SRL: variants seen among roughly 807,000 people sequenced by gnomAD.
SRL encodes sarcalumenin.
SRL carries 23 observed loss-of-function variants against 39.5 expected under a neutral mutation model. The observed-to-expected ratio is 0.58, with a 90% confidence interval of 0.42 to 0.82. The LOEUF is 0.82. SRL is among the 40% of genes least tolerant of loss of function. The pLI, the probability that SRL is intolerant of heterozygous loss-of-function variation, is 0.00. For missense variants in SRL, 592 were observed against 607.8 expected (o/e 0.97, Z 0.27); for synonymous variants, 272 against 237.4 (o/e 1.15, Z -1.34).
At chr16:4,222,218 G>A (rs535490148) in intron 1 of SRL, among the ~76,000 whole-genome samples, 3 of 152,102 alleles carry the variant, frequency 2.0e-5, no homozygotes, top group East Asian at 1.9e-4. Flanking sequence ...AGTCGTCCCC[G>A]ACCCCTCCTC....
chr16:4,207,497 G>A (rs901982093), intron 1 of SRL: 5 of 456,600 alleles, frequency 1.1e-5, no homozygotes, highest in South Asian at 4.6e-5. Flanking sequence ...CGGCCTCTGC[G>A]TTCAGTGGGC....
chr16:4,220,658 C>G (rs1400023965), intron 1 of SRL, among the ~76,000 whole-genome samples: 1 of 152,164 alleles, frequency 6.6e-6, no homozygotes, highest in East Asian at 1.9e-4. Flanking sequence ...TCATTCAACC[C>G]AACAGCAGCT....
chr16:4,239,732 G>C (rs2052752283), intron 1 of SRL: 1 of 152,524 alleles, frequency 6.6e-6, no homozygotes, highest in Non-Finnish European at 1.5e-5. Context: ...GCCTGTCACT[G>C]ACGCGCTGTC....
intron 1 of SRL, among the ~76,000 whole-genome samples, chr16:4,206,063 T>C (rs986827408): frequency 2.0e-5 from 3 of 152,180 alleles, no homozygotes; most frequent in Non-Finnish European, 2.9e-5. Flanking sequence ...TCTAAGTCCA[T>C]GTACTAAGCA....
intron 1 of SRL, among the ~76,000 whole-genome samples, chr16:4,240,873 G>A (rs1456916215): frequency 6.6e-6 from 1 of 152,166 alleles, no homozygotes; most frequent in Non-Finnish European, 1.5e-5. Context: ...TCAAGCCGCT[G>A]CAGCCCTGCA....
chr16:4,210,486 CTTTTTTTTT>C (rs555999418), intron 1 of SRL, among the ~76,000 whole-genome samples: 1 of 104,014 alleles, frequency 9.6e-6, no homozygotes, highest in Non-Finnish European at 1.8e-5. Flanking sequence ...TTACTCATAT[CTTTTTTTTT>C]TTTTTTTTTT....
chr16:4,204,421 C>CCTCTAAGATACAGCCCCGGT, intron 2 of SRL, 112 bp downstream of exon 2: 1 of 963,658 alleles, frequency 1.0e-6, no homozygotes, highest in Non-Finnish European at 1.6e-6. Context: ...ACAGCCCCGG[C>CCTCTAAGATACAGCCCCGGT]CTCCAAGATA....
intron 2 of SRL, 59 bp downstream of exon 2, chr16:4,204,473 TG>T (rs2052288543): frequency 6.4e-6 from 8 of 1,242,226 alleles, no homozygotes; most frequent in Non-Finnish European, 8.9e-6. Context: ...TCCAGGAGTC[TG>T]CCCGGGCCCT....
intron 1 of SRL, among the ~76,000 whole-genome samples, chr16:4,212,731 C>T (rs536166579): frequency 1.1e-4 from 16 of 152,126 alleles, no homozygotes; most frequent in Non-Finnish European, 2.1e-4. Flanking sequence ...GGCCCCACCC[C>T]ACTCACACCC....
At chr16:4,222,060 T>G (rs1299456293) in intron 1 of SRL, among the ~76,000 whole-genome samples, 1 of 152,174 alleles carries the variant, frequency 6.6e-6, no homozygotes, top group Non-Finnish European at 1.5e-5. Context: ...AACACATCCT[T>G]TTGGGGGATG....
chr16:4,195,253 G>C (rs2052120287), intron 5 of SRL, among the ~76,000 whole-genome samples: 1 of 152,124 alleles, frequency 6.6e-6, no homozygotes, highest in African/African-American at 2.4e-5. Context: ...CTGGAGTAGA[G>C]TGGCACGATT....
Position 4,192,035 on chromosome 16 carries a change from C to T in SRL, c.*118G>A. On this transcript the variant is annotated 3_prime_UTR_variant, in exon 6 of 6. Coordinates refer to ENST00000399609, the MANE Select transcript of SRL (RefSeq NM_001098814.2). The surrounding 1 kb of genome is among the most constrained non-coding windows in gnomAD (Gnocchi z 4.0). ...ACCCCTGGCCTCAATGAACTCCCAA[C>T]TCTCCACTGTGTAATAATTCCTGCC... The T allele has an allele frequency of 1.7e-6, 2 of 1,185,974 alleles. No homozygotes were observed. The highest frequency in any genetic ancestry group is 2.4e-6 in the Non-Finnish European group (2 of 838,034). The allele number at this position is 1,185,974 out of a possible 1,614,324, so 73.5% of individuals were successfully genotyped here.
rs775171763 is a variant in SRL at position 4,227,638 on chromosome 16, T to G, written c.61+14369A>C. Reference sequence around the variant, plus strand: ...GGTGGTGGTGGCAAAATGGAAGACCTTCCGTCAACCCCACTTGCGTTCCAA... The same window carrying G: ...GGTGGTGGTGGCAAAATGGAAGACCGTCCGTCAACCCCACTTGCGTTCCAA... On this transcript the variant is annotated intron_variant, in intron 1 of 5. Coordinates refer to ENST00000399609, the MANE Select transcript of SRL (RefSeq NM_001098814.2). 9.9e-5 allele frequency among the ~76,000 whole-genome samples: 15 copies of G among 152,078 alleles called. 1 individual carries two copies. Among genetic ancestry groups the G allele is most frequent in the South Asian group, 8.3e-4 (4 of 4,832 alleles).
intron 1 of SRL, among the ~76,000 whole-genome samples, chr16:4,231,370 G>A (rs899352536): frequency 3.9e-5 from 6 of 152,098 alleles, no homozygotes; most frequent in African/African-American, 1.4e-4. Context: ...AGTTGTTACC[G>A]TGGTCCCAGG....
chr16:4,220,278 A>AAC (rs71394664), intron 1 of SRL, among the ~76,000 whole-genome samples: 22,233 of 140,630 alleles, frequency 0.16, 1,817 homozygotes, highest in East Asian at 0.27. Context: ...TCTCTACTAA[A>AAC]ACACACACAC....
At chr16:4,235,273 C>T (rs990739244) in intron 1 of SRL, among the ~76,000 whole-genome samples, 2 of 152,214 alleles carry the variant, frequency 1.3e-5, no homozygotes, top group African/African-American at 4.8e-5. Context: ...CACCTTGAGC[C>T]AAAGTGAGTC....
At chr16:4,203,519 T>C (rs2052267342) in intron 2 of SRL, among the ~76,000 whole-genome samples, 1 of 152,160 alleles carries the variant, frequency 6.6e-6, no homozygotes, top group Non-Finnish European at 1.5e-5. Flanking sequence ...TATTTTATTT[T>C]ATTATTTATT....
At chr16:4,203,327 G>A (rs1053479672) in intron 2 of SRL, 66 bp from the exon 3 acceptor site, 2 of 1,389,428 alleles carry the variant, frequency 1.4e-6, no homozygotes, top group African/African-American at 1.4e-5. Flanking sequence ...CCTCCATTGT[G>A]GAGGGGCCTC....
chr16:4,219,930 A>C (rs1024619991), intron 1 of SRL, among the ~76,000 whole-genome samples: 4 of 152,052 alleles, frequency 2.6e-5, no homozygotes, highest in Non-Finnish European at 5.9e-5. Context: ...GCTCTTAGCT[A>C]TCTGAGTTCA....
Sources: gnomAD v4.1 joint callset for allele counts (sites outside exome capture counted in the v4.1 genomes callset) on GRCh38, gnomAD v4.1.1 for gene constraint, Gnocchi (gnomAD v3.1) non-coding constraint, MANE v1.5 for transcripts, NCBI Gene and HGNC (gene_info 2026-07-23, HGNC 2026-07-21) for gene names.